The following ZCCHC17 variants were observed in gnomAD, a reference collection of about 807,000 sequenced individuals.
The protein encoded by ZCCHC17 is zinc finger CCHC-type containing 17.
A neutral mutation model predicts 30.6 loss-of-function variants in ZCCHC17; 18 were observed. The ratio of observed to expected loss-of-function variants is 0.59; its 90% CI spans 0.41 to 0.87. ZCCHC17 has a LOEUF of 0.87. ZCCHC17 is among the 40% of genes least tolerant of loss of function. The pLI, the probability that ZCCHC17 is intolerant of heterozygous loss-of-function variation, is 0.00. For synonymous variants in ZCCHC17, 88 were observed against 92.4 expected (o/e 0.95, Z 0.27); for missense variants, 263 against 284.2 (o/e 0.93, Z 0.54).
chr1:31,346,828 G>A, intron 6 of ZCCHC17, 88 bp downstream of exon 6: 1 of 1,570,670 alleles, frequency 6.4e-7, no homozygotes, highest in South Asian at 1.2e-5. Context: ...TGTGAGTTTA[G>A]TTTACCCTGT....
At chr1:31,333,549 GTGTGTGTGTA>G (rs916237198) in intron 3 of ZCCHC17, among the ~76,000 whole-genome samples, 13 of 151,868 alleles carry the variant, frequency 8.6e-5, no homozygotes, top group Admixed American at 6.6e-4. Flanking sequence ...AAATACATAT[GTGTGTGTGTA>G]TGTGTGTGTA....
At chr1:31,358,158 C>T (rs1347242412) in intron 7 of ZCCHC17, among the ~76,000 whole-genome samples, 1 of 152,186 alleles carries the variant, frequency 6.6e-6, no homozygotes, top group Non-Finnish European at 1.5e-5. Context: ...GCAAATGTAA[C>T]AGCTGATGTT....
intron 7 of ZCCHC17, among the ~76,000 whole-genome samples, chr1:31,362,709 A>C (rs964561877): frequency 6.6e-6 from 1 of 152,234 alleles, no homozygotes; most frequent in South Asian, 2.1e-4. Flanking sequence ...CCAGAATAGC[A>C]GTCAGGAGTT....
chr1:31,364,427 G>A lies in ZCCHC17; in HGVS notation c.*234G>A, dbSNP rs1640055032. The stretch of plus-strand genomic sequence containing the variant: ...CCTGGTCCCTTTGCAAGTGAACCCT[G>A]CAGCTCACCCATTCATTCACCCAAC... On this transcript the variant is annotated 3_prime_UTR_variant, in exon 8 of 8. Coordinates refer to ENST00000344147, the MANE Select transcript of ZCCHC17 (RefSeq NM_016505.4). 1.7e-6 allele frequency: 1 copy of A among 604,380 alleles called. No individual in the cohort carries two copies. The highest frequency in any genetic ancestry group is 3.4e-5 in the Admixed American group (1 of 29,614). 37.4% of individuals were successfully genotyped at this position (604,380 alleles called of 1,614,324 possible).
intron 7 of ZCCHC17, among the ~76,000 whole-genome samples, chr1:31,362,915 C>T (rs1639972137): frequency 6.6e-6 from 1 of 152,152 alleles, no homozygotes; most frequent in South Asian, 2.1e-4. Context: ...ATATCCTTTC[C>T]CCCATTCAGT....
At chr1:31,342,240 T>C (rs1639074968) in intron 5 of ZCCHC17, among the ~76,000 whole-genome samples, 1 of 152,128 alleles carries the variant, frequency 6.6e-6, no homozygotes, top group African/African-American at 2.4e-5. Context: ...AGACGGGGTT[T>C]CACCATGTTG....
At chr1:31,312,427 A>C (rs1044610340) in intron 2 of ZCCHC17, among the ~76,000 whole-genome samples, 1 of 152,088 alleles carries the variant, frequency 6.6e-6, no homozygotes, top group East Asian at 1.9e-4. Flanking sequence ...TGAATTATCA[A>C]CCTTTGGTAG....
At chr1:31,327,805 A>G (rs181758135) in intron 3 of ZCCHC17, among the ~76,000 whole-genome samples, 1 of 152,296 alleles carries the variant, frequency 6.6e-6, no homozygotes, top group African/African-American at 2.4e-5. Context: ...AAAGTTCTCA[A>G]CTTAATAAGG....
intron 3 of ZCCHC17, among the ~76,000 whole-genome samples, chr1:31,334,744 CTATT>C: frequency 6.6e-6 from 1 of 152,076 alleles, no homozygotes; most frequent in African/African-American, 2.4e-5. Flanking sequence ...CACTCAATAA[CTATT>C]TACTAAAGAA....
At chr1:31,354,860 C>G (rs1019886519) in intron 7 of ZCCHC17, among the ~76,000 whole-genome samples, 2 of 152,088 alleles carry the variant, frequency 1.3e-5, no homozygotes, top group African/African-American at 4.8e-5. Flanking sequence ...CAGTAATAAT[C>G]ATTATACATT....
intron 2 of ZCCHC17, among the ~76,000 whole-genome samples, chr1:31,317,024 CTTTT>C (rs1196920105): frequency 7.9e-6 from 1 of 126,534 alleles, no homozygotes; most frequent in African/African-American, 3.0e-5. Context: ...AACTTTTTTT[CTTTT>C]TTTTTTTTTT....
At chr1:31,310,689 G>A (rs550110507) in intron 2 of ZCCHC17, among the ~76,000 whole-genome samples, 14 of 152,354 alleles carry the variant, frequency 9.2e-5, no homozygotes, top group African/African-American at 3.1e-4. Context: ...CCAGAACTAT[G>A]AGCCAAATAA....
chr1:31,337,694 C>T (rs1185936349), intron 4 of ZCCHC17, among the ~76,000 whole-genome samples: 1 of 152,132 alleles, frequency 6.6e-6, no homozygotes, highest in Non-Finnish European at 1.5e-5. Context: ...TCCCTAATAT[C>T]TGGCACCATG....
chr1:31,306,620 G>A (rs1646465512), intron 1 of ZCCHC17, among the ~76,000 whole-genome samples: 1 of 152,160 alleles, frequency 6.6e-6, no homozygotes. Context: ...TACAACTGTG[G>A]ATGGGAGGAC....
At chr1:31,358,862 CA>C in intron 7 of ZCCHC17, among the ~76,000 whole-genome samples, 1 of 152,200 alleles carries the variant, frequency 6.6e-6, no homozygotes, top group African/African-American at 2.4e-5. Flanking sequence ...TATTTATGTT[CA>C]TGAGATCACC....
chr1:31,300,693 TGGGA>T (rs1213218855), intron 1 of ZCCHC17, among the ~76,000 whole-genome samples: 1 of 151,958 alleles, frequency 6.6e-6, no homozygotes. Flanking sequence ...CCCAGCACTT[TGGGA>T]GGCCGAGGCA....
intron 1 of ZCCHC17, among the ~76,000 whole-genome samples, chr1:31,301,671 A>G (rs966887005): frequency 1.3e-5 from 2 of 152,250 alleles, no homozygotes; most frequent in Non-Finnish European, 2.9e-5. Flanking sequence ...GCTAACTGTG[A>G]GCAGCCTTTG....
chr1:31,309,801 T>A (rs1284622652), intron 1 of ZCCHC17, among the ~76,000 whole-genome samples: 1 of 152,094 alleles, frequency 6.6e-6, no homozygotes, highest in Non-Finnish European at 1.5e-5. Context: ...AATAGCAATT[T>A]AAAAAAACCA....
intron 3 of ZCCHC17, among the ~76,000 whole-genome samples, chr1:31,324,448 G>A (rs1638257850): frequency 6.6e-6 from 1 of 152,188 alleles, no homozygotes. Flanking sequence ...CACCCTCATG[G>A]GTGCAGCTGC....
Sources: gnomAD v4.1 joint callset for allele counts (sites outside exome capture counted in the v4.1 genomes callset) on GRCh38, gnomAD v4.1.1 for gene constraint, MANE v1.5 for transcripts, NCBI Gene and HGNC (gene_info 2026-07-23, HGNC 2026-07-21) for gene names.